The following NDFIP2 variants were observed in gnomAD, a reference collection of about 807,000 sequenced individuals.
NDFIP2 encodes NEDD4 family-interacting protein 2.
A neutral mutation model predicts 36.0 loss-of-function variants in NDFIP2; 19 were observed. The observed-to-expected ratio is 0.53, with a 90% CI of 0.37 to 0.77. The LOEUF (loss-of-function observed/expected upper bound fraction) is 0.77. NDFIP2 is among the 30% of genes least tolerant of loss of function. The pLI is 0.00. For synonymous variants in NDFIP2, 181 were observed against 167.7 expected (o/e 1.08, Z -0.61); for missense variants, 446 against 435.8 (o/e 1.02, Z -0.21).
At chr13:79,531,883 C>T (rs1875031321) in intron 2 of NDFIP2, among the ~76,000 whole-genome samples, 1 of 152,218 alleles carries the variant, frequency 6.6e-6, no homozygotes. Flanking sequence ...CCTTCAGGAA[C>T]TTTTCCTTTG....
At chr13:79,482,161 CTTTCTTTCTTT>C (rs2079817859) in intron 1 of NDFIP2, among the ~76,000 whole-genome samples, 2 of 65,936 alleles carry the variant, frequency 3.0e-5, no homozygotes, top group African/African-American at 1.1e-4. Context: ...TTCTTTCTTT[CTTTCTTTCTTT>C]TTTTTTTTTT....
In NDFIP2 at chr13:79,509,232, A is replaced by G. The variant is rs1472562896; in HGVS notation, c.322-11578A>G. On this transcript the variant is annotated intron_variant, in intron 1 of 7. Transcript: ENST00000218652. ...TTTAGAGAGACATAAGATATCAATC[A>G]GTATGTGTAAGATGTACATTTATTT... 2.0e-5 allele frequency among the ~76,000 whole-genome samples: 3 copies of G among 152,152 alleles called. No homozygotes were observed. In the East Asian group the frequency reaches 5.8e-4, roughly 29 times the overall value.
At chr13:79,491,918 A>C (rs1458129176) in intron 1 of NDFIP2, among the ~76,000 whole-genome samples, 1 of 152,232 alleles carries the variant, frequency 6.6e-6, no homozygotes, top group Non-Finnish European at 1.5e-5. Context: ...CAAGTTGGGA[A>C]ATGCTGCAGT....
chr13:79,555,570 A>G lies in NDFIP2; in HGVS notation c.*3057A>G, dbSNP rs903670287. The G allele has an allele frequency of 4.6e-5, 7 of 151,956 alleles. No homozygotes were observed. Among genetic ancestry groups the G allele is most frequent in the African/African-American group, 1.7e-4 (7 of 41,396 alleles). 9.4% of individuals were successfully genotyped at this position (151,956 alleles called of 1,614,324 possible). A position where few individuals can be genotyped will look rare whatever the true frequency, so the allele number is the denominator to read the frequency against. ...GAACCATTTGGCCTGTAGAAGAGGA[A>G]TAGTATTTTTTTTAATAGTTGTATT... On this transcript the variant is annotated 3_prime_UTR_variant, in exon 8 of 8. Coordinates refer to ENST00000218652, the MANE Select transcript of NDFIP2 (RefSeq NM_019080.3).
intron 1 of NDFIP2, among the ~76,000 whole-genome samples, chr13:79,482,236 C>G (rs1318126675): frequency 1.1e-5 from 1 of 90,502 alleles, no homozygotes; most frequent in African/African-American, 4.3e-5. Context: ...AGAACAAATT[C>G]TAATCTTGTT....
At chr13:79,536,132 A>G (rs1875229506) in intron 3 of NDFIP2, among the ~76,000 whole-genome samples, 1 of 152,234 alleles carries the variant, frequency 6.6e-6, no homozygotes, top group African/African-American at 2.4e-5. Context: ...ATTTCTGAAA[A>G]TGACAACTCA....
chr13:79,534,615 C>T (rs1460243979), intron 3 of NDFIP2, among the ~76,000 whole-genome samples: 5 of 151,606 alleles, frequency 3.3e-5, no homozygotes, highest in African/African-American at 4.8e-5. Flanking sequence ...AATTTTTTGC[C>T]TTTTTTTTCT....
intron 4 of NDFIP2, among the ~76,000 whole-genome samples, chr13:79,542,707 A>C (rs1875506070): frequency 6.6e-6 from 1 of 152,208 alleles, no homozygotes; most frequent in South Asian, 2.1e-4. Context: ...TGGAAAACAA[A>C]ACATTGATGT....
chr13:79,506,038 T>A (rs1427801981), intron 1 of NDFIP2, among the ~76,000 whole-genome samples: 1 of 152,180 alleles, frequency 6.6e-6, no homozygotes, highest in African/African-American at 2.4e-5. Context: ...TGGAGAAATC[T>A]AACAAATATG....
At chr13:79,547,351 G>A (rs948124011) in intron 5 of NDFIP2, among the ~76,000 whole-genome samples, 43 of 152,210 alleles carry the variant, frequency 2.8e-4, no homozygotes, top group African/African-American at 9.6e-4. Flanking sequence ...TTGAGAGCAA[G>A]TCTGCATTTA....
intron 2 of NDFIP2, among the ~76,000 whole-genome samples, chr13:79,532,918 T>A (rs1231932993): frequency 6.6e-6 from 1 of 152,224 alleles, no homozygotes; most frequent in Non-Finnish European, 1.5e-5. Flanking sequence ...ATTATGTAAA[T>A]GTTTGTTATT....
intron 2 of NDFIP2, among the ~76,000 whole-genome samples, chr13:79,521,315 G>C (rs1407742334): frequency 6.6e-6 from 1 of 152,028 alleles, no homozygotes; most frequent in Non-Finnish European, 1.5e-5. Flanking sequence ...GTTTGCTACT[G>C]TTCATCTTAT....
chr13:79,521,637 C>T (rs1874585959), intron 2 of NDFIP2, among the ~76,000 whole-genome samples: 1 of 152,094 alleles, frequency 6.6e-6, no homozygotes, highest in African/African-American at 2.4e-5. Context: ...TTAACATCAT[C>T]TACTGCTCTC....
intron 3 of NDFIP2, among the ~76,000 whole-genome samples, chr13:79,534,144 A>G (rs1482257294): frequency 2.0e-5 from 3 of 152,142 alleles, no homozygotes; most frequent in African/African-American, 7.2e-5. Context: ...CTGGACCTCA[A>G]GTCCACTGAC....
intron 1 of NDFIP2, among the ~76,000 whole-genome samples, chr13:79,497,348 G>T (rs1873470962): frequency 6.6e-6 from 1 of 151,928 alleles, no homozygotes; most frequent in South Asian, 2.1e-4. Flanking sequence ...CCTCTGGCTA[G>T]AATAGGGTTT....
intron 2 of NDFIP2, 114 bp from the exon 3 acceptor site, chr13:79,533,209 T>A: frequency 1.3e-6 from 1 of 783,952 alleles, no homozygotes; most frequent in Middle Eastern, 3.3e-4. Flanking sequence ...AACATAGGCC[T>A]ATAATAGCAA....
At chr13:79,533,592 C>G (rs1331329220) in intron 3 of NDFIP2, 136 bp downstream of exon 3, 5 of 632,440 alleles carry the variant, frequency 7.9e-6, no homozygotes, top group Admixed American at 3.6e-5. Context: ...TTAAACTGCA[C>G]AGGTCTACTT....
chr13:79,513,146 A>G (rs190692102), intron 1 of NDFIP2, among the ~76,000 whole-genome samples: 1 of 152,310 alleles, frequency 6.6e-6, no homozygotes, highest in Admixed American at 6.5e-5. Flanking sequence ...CTGGGTACCA[A>G]CCAGTTGCCA....
rs972105770 is a variant in NDFIP2, at chr13:79,481,542, T to C, written c.321+18T>C. ...ACCAGGTGGTGAGTTCCCGGCCTCC[T>C]GTGCCTCCCGGGACTGCCTCCCGCC... On this transcript the variant is annotated intron_variant, in intron 1 of 7. Transcript: ENST00000218652. 10 of 1,540,412 alleles carry C rather than the reference T, an allele frequency of 6.5e-6. No individual in the cohort carries two copies. In the African/African-American group the frequency reaches 1.4e-4, roughly 21 times the overall value.
Sources: gnomAD v4.1 joint callset for allele counts (sites outside exome capture counted in the v4.1 genomes callset) on GRCh38, gnomAD v4.1.1 for gene constraint, MANE v1.5 for transcripts, NCBI Gene and HGNC (gene_info 2026-07-23, HGNC 2026-07-21) for gene names.